The following ACYP2 variants were observed in gnomAD, a reference collection of about 807,000 sequenced individuals.
The protein encoded by ACYP2 is acylphosphatase-2.
In ACYP2, 12 loss-of-function variants were observed where a neutral mutation model predicts 11.2. The observed-to-expected ratio is 1.08, with a 90% confidence interval of 0.69 to 1.74. The LOEUF is 1.74. Ranked by LOEUF, ACYP2 falls within the 40% of genes most tolerant of loss-of-function variation. ACYP2 has a pLI of 0.00. For synonymous variants in ACYP2, 43 were observed against 32.2 expected (o/e 1.33, Z -1.13); for missense variants, 134 against 101.9 (o/e 1.31, Z -1.35).
At chr2:54,219,857 A>ATGTG (rs771365126) in intron 6 of ACYP2, among the ~76,000 whole-genome samples, 20,432 of 39,630 alleles carry the variant, frequency 0.52, 5,865 homozygotes, top group Non-Finnish European at 0.61. Context: ...GTGTATATAG[A>ATGTG]TGTGTGTGTG....
chr2:54,017,272 C>CTTTTCTT lies in ACYP2; in HGVS notation c.63-33682_63-33681insCTTTTTT, dbSNP rs764249106. Among the ~76,000 whole-genome samples the CTTTTCTT allele has an allele frequency of 2.1e-3, 258 of 123,122 alleles. 2 individuals are homozygous for CTTTTCTT. Among genetic ancestry groups the CTTTTCTT allele is most frequent in the African/African-American group, 4.9e-3 (141 of 28,990 alleles). 80.8% of individuals were successfully genotyped at this position (123,122 alleles called of 152,430 possible). ...CGTTAAGTTTCTTTTCTTTTCTTTT[C>CTTTTCTT]TTTTTTTTTTTTTTTTGAGACAGAG... On this transcript the variant is annotated intron_variant, in intron 2 of 6. Coordinates refer to ENST00000607452, the MANE Select transcript of ACYP2 (RefSeq NM_001320586.2).
At chr2:54,160,998 C>G (rs372349455) in intron 6 of ACYP2, among the ~76,000 whole-genome samples, 5 of 152,180 alleles carry the variant, frequency 3.3e-5, no homozygotes, top group Admixed American at 6.5e-5. Flanking sequence ...GACCTTGGAT[C>G]AGTAGCATCA....
chr2:54,125,953 C>T (rs754225742), intron 4 of ACYP2, among the ~76,000 whole-genome samples: 3 of 151,126 alleles, frequency 2.0e-5, no homozygotes, highest in Non-Finnish European at 4.4e-5. Flanking sequence ...TGGTGGTGCA[C>T]GCCTATAATC....
intron 6 of ACYP2, among the ~76,000 whole-genome samples, chr2:54,173,033 A>G (rs1395829296): frequency 2.6e-5 from 4 of 152,210 alleles, no homozygotes; most frequent in Non-Finnish European, 5.9e-5. Flanking sequence ...TTATAGCAGC[A>G]TGTTTTATAA....
At chr2:54,102,432 C>A (rs1196692149) in intron 4 of ACYP2, among the ~76,000 whole-genome samples, 2 of 152,110 alleles carry the variant, frequency 1.3e-5, no homozygotes, top group Admixed American at 1.3e-4. Flanking sequence ...AATGATGTCA[C>A]AGAAAGTGCT....
chr2:54,035,134 G>C (rs1295668115), intron 2 of ACYP2, among the ~76,000 whole-genome samples: 1 of 151,328 alleles, frequency 6.6e-6, no homozygotes, highest in Non-Finnish European at 1.5e-5. Flanking sequence ...CTAGGCCCCA[G>C]TTTCTTTTTC....
At chr2:54,126,845 C>T (rs923331931) in intron 4 of ACYP2, among the ~76,000 whole-genome samples, 2 of 151,176 alleles carry the variant, frequency 1.3e-5, no homozygotes, top group African/African-American at 4.9e-5. Flanking sequence ...TCCCAGCTAC[C>T]CGGGAGGGTG....
intron 6 of ACYP2, among the ~76,000 whole-genome samples, chr2:54,279,607 G>A (rs1291374834): frequency 8.6e-6 from 1 of 115,676 alleles, no homozygotes; most frequent in Admixed American, 9.2e-5. Flanking sequence ...CTCAAGAGCT[G>A]CAGTCTCTAT....
intron 2 of ACYP2, among the ~76,000 whole-genome samples, chr2:53,981,697 T>C (rs1054809589): frequency 6.6e-6 from 1 of 152,136 alleles, no homozygotes; most frequent in African/African-American, 2.4e-5. Context: ...TTCTAGGAAG[T>C]CAGTGTGAAT....
chr2:54,201,642 C>CTTTTTCTTTCTTTCTTTGTTTCTT (rs768069057), intron 6 of ACYP2, among the ~76,000 whole-genome samples: 1 of 78,252 alleles, frequency 1.3e-5, no homozygotes, highest in Non-Finnish European at 2.6e-5. Flanking sequence ...CTTTCTCTTT[C>CTTTTTCTTTCTTTCTTTGTTTCTT]TTTCTTTCTT....
At chr2:53,979,217 A>G (rs903482562) in intron 2 of ACYP2, among the ~76,000 whole-genome samples, 1 of 152,148 alleles carries the variant, frequency 6.6e-6, no homozygotes, top group African/African-American at 2.4e-5. Context: ...GAGTGATATT[A>G]ATGATCCTGA....
intron 4 of ACYP2, among the ~76,000 whole-genome samples, chr2:54,110,996 G>T (rs1291468708): frequency 6.6e-6 from 1 of 152,086 alleles, no homozygotes; most frequent in Non-Finnish European, 1.5e-5. Context: ...TCCATAACTA[G>T]ATATGATGGG....
At chr2:54,050,275 C>T (rs1675773431) in intron 2 of ACYP2, among the ~76,000 whole-genome samples, 1 of 152,082 alleles carries the variant, frequency 6.6e-6, no homozygotes, top group Non-Finnish European at 1.5e-5. Context: ...CTTGCAGGTG[C>T]TGTGGCTCTT....
intron 6 of ACYP2, among the ~76,000 whole-genome samples, chr2:54,222,053 C>T (rs1685821920): frequency 6.6e-6 from 1 of 152,106 alleles, no homozygotes; most frequent in Non-Finnish European, 1.5e-5. Flanking sequence ...TGAGCCCTTA[C>T]CATATGCCAG....
chr2:54,205,311 G>T (rs1685025576), intron 6 of ACYP2, among the ~76,000 whole-genome samples: 1 of 152,176 alleles, frequency 6.6e-6, no homozygotes, highest in Non-Finnish European at 1.5e-5. Flanking sequence ...ACCAGAAAAA[G>T]CAGTCAGCAT....
intron 6 of ACYP2, among the ~76,000 whole-genome samples, chr2:54,156,104 C>G (rs7593897): frequency 0.23 from 35,426 of 152,060 alleles, 4,022 homozygotes; most frequent in East Asian, 0.31. Context: ...TGAGAAGAAT[C>G]TGTATTCTGT....
At chr2:54,172,450 G>A (rs973410069) in intron 6 of ACYP2, among the ~76,000 whole-genome samples, 5 of 152,134 alleles carry the variant, frequency 3.3e-5, no homozygotes, top group African/African-American at 9.7e-5. Flanking sequence ...CATCAAAACT[G>A]ATGAAATGTC....
intron 6 of ACYP2, chr2:54,142,354 C>G (rs2103791301): frequency 6.5e-6 from 1 of 153,616 alleles, no homozygotes; most frequent in African/African-American, 2.4e-5. Context: ...CAATTTTTAC[C>G]TAATGTCCAT....
chr2:54,094,428 C>T (rs1305535968), intron 4 of ACYP2, among the ~76,000 whole-genome samples: 2 of 151,882 alleles, frequency 1.3e-5, no homozygotes, highest in Non-Finnish European at 2.9e-5. Flanking sequence ...CGGGGTTTCA[C>T]ATGTTTGCCA....
Sources: allele counts gnomAD v4.1 joint callset (sites outside exome capture counted in the v4.1 genomes callset), GRCh38; gene constraint gnomAD v4.1.1; transcripts MANE v1.5; gene names NCBI Gene and HGNC (gene_info 2026-07-23, HGNC 2026-07-21).